Variants in GPATCH3 observed in about 807,000 individuals in gnomAD.
GPATCH3 encodes the protein G patch domain-containing protein 3.
In GPATCH3, 45 loss-of-function variants were observed where a neutral mutation model predicts 53.2. The ratio of observed to expected loss-of-function variants is 0.85; its 90% CI spans 0.67 to 1.08. The LOEUF (loss-of-function observed/expected upper bound fraction) is 1.08. Among genes scored for constraint, GPATCH3 ranks in the 50% least tolerant of loss-of-function variants. GPATCH3 has a pLI of 0.00. For synonymous variants in GPATCH3, 280 were observed against 270.6 expected, an observed-to-expected ratio of 1.03 and a Z score of -0.34; for missense variants, 680 against 687.2, an observed-to-expected ratio of 0.99 and a Z score of 0.12.
At chr1:26,891,463 A>G (rs183516300) in intron 6 of GPATCH3, among the ~76,000 whole-genome samples, 1 of 152,040 alleles carries the variant, frequency 6.6e-6, no homozygotes, top group South Asian at 2.1e-4. Flanking sequence ...ATCAAGTCCA[A>G]ACTCCTCCAA....
chr1:26,892,537 C>A lies in GPATCH3; in HGVS notation c.1235G>T (p.Gly412Val). The A allele has an allele frequency of 6.2e-7, 1 of 1,611,362 alleles. No individual in the cohort carries two copies. Among genetic ancestry groups the A allele is most frequent in the South Asian group, 1.1e-5 (1 of 91,042 alleles). ...CCGCTCCATCACCTTCCGCCCAATG[C>A]CCTGCAGAGTGAAGGGACAAGACTC... ...QVGTFERHTK[G>V]IGRKVMERQG... Residue 412 changes from glycine to valine, a missense_variant and splice_region_variant, in exon 6 of 7, where the codon GGC becomes GTC. By Grantham distance (109) the Gly-to-Val change is moderately radical (BLOSUM62 -3). Coordinates refer to ENST00000361720, the MANE Select transcript of GPATCH3 (RefSeq NM_022078.3).
Position 26,897,021 on chromosome 1 carries a change from C to CA in GPATCH3, c.876+279dup, listed in dbSNP as rs5773170. Among the ~76,000 whole-genome samples the CA allele has an allele frequency of 6.7e-3, 663 of 98,258 alleles. 5 individuals are homozygous for CA. Among genetic ancestry groups the CA allele is most frequent in the African/African-American group, 0.017 (478 of 27,434 alleles). The allele number at this position is 98,258 out of a possible 152,430, so 64.5% of individuals were successfully genotyped here. A position where few individuals can be genotyped will look rare whatever the true frequency, so the allele number is the denominator to read the frequency against. ...TGGACAACAGAGCAAGACTCCGTCT[C>CA]AAAAAAAAAAAAAAAGGAACCATCC... On this transcript the variant is annotated intron_variant, in intron 2 of 6. Coordinates refer to ENST00000361720, the MANE Select transcript of GPATCH3 (RefSeq NM_022078.3).
At chr1:26,893,285 A>G (rs1027622980) in intron 4 of GPATCH3, 104 bp downstream of exon 4, 4 of 912,580 alleles carry the variant, frequency 4.4e-6, no homozygotes, top group Non-Finnish European at 7.4e-6. Flanking sequence ...CCCCAAGGGA[A>G]CGGGAACGGT....
chr1:26,900,092 A>G lies in GPATCH3; in HGVS notation c.351T>C (p.Leu117=). Residue 117 remains leucine, a synonymous_variant, in exon 1 of 7, where the codon CTT becomes CTC. Transcript: ENST00000361720. ...SVRGLAQAQR[L]IRMYSGRRWL... ...ACCGGCGGCCCGAGTACATGCGAAT[A>G]AGCCTCTGAGCTTGAGCCAACCCCC... 1 of 1,614,154 alleles carries G rather than the reference A, an allele frequency of 6.2e-7. No individual in the cohort carries two copies. The highest frequency in any genetic ancestry group is 8.5e-7 in the Non-Finnish European group (1 of 1,180,032).
chr1:26,900,398 C>T lies in GPATCH3; in HGVS notation c.45G>A (p.Leu15=). The change falls in exon 1 of 7, where the codon CTG becomes CTA. Residue 15 remains leucine (L), a synonymous_variant. Coordinates refer to ENST00000361720, the MANE Select transcript of GPATCH3 (RefSeq NM_022078.3). ...ACACGGAGGGGATACCGCTCACTACCAGGTAAACTGTCGCCTCCTCCTCCG... is the reference window on the plus strand; with the variant it reads ...ACACGGAGGGGATACCGCTCACTACTAGGTAAACTGTCGCCTCCTCCTCCG... ...GEAEEEATVY[L]VVSGIPSVLR... 6.2e-7 allele frequency: 1 copy of T among 1,613,190 alleles called. No individual in the cohort carries two copies. Among genetic ancestry groups the T allele is most frequent in the Non-Finnish European group, 8.5e-7 (1 of 1,179,448 alleles).
Position 26,894,343 on chromosome 1 carries a change from C to T in GPATCH3, c.944G>A (p.Arg315Gln), listed in dbSNP as rs201761023. ...ALHEDVTGQERTTEQLFEEEI... is the reference protein window; with the variant it reads ...ALHEDVTGQEQTTEQLFEEEI... The stretch of plus-strand genomic sequence containing the variant: ...CTCCTCAAAGAGCTGCTCAGTGGTC[C>T]GCTCCTGCCCGGTCACGTCCTCATG... Residue 315 changes from arginine to glutamine, a missense_variant, in exon 3 of 7, where the codon CGG (arginine) becomes CAG (glutamine). By Grantham distance (43) the Arg-to-Gln change is conservative. Coordinates refer to ENST00000361720, the MANE Select transcript of GPATCH3 (RefSeq NM_022078.3). The T allele has an allele frequency of 1.9e-5, 30 of 1,613,978 alleles. No homozygotes were observed. In the Admixed American group the frequency reaches 3.0e-4, roughly 16 times the overall value.
chr1:26,891,084 T>C lies in GPATCH3; in HGVS notation c.1504A>G (p.Met502Val). The C allele has an allele frequency of 6.2e-7, 1 of 1,614,122 alleles. No individual in the cohort carries two copies. Among genetic ancestry groups the C allele is most frequent in the Non-Finnish European group, 8.5e-7 (1 of 1,180,020 alleles). Residue 502 changes from methionine to valine, a missense_variant, in exon 7 of 7, where the codon ATG (methionine) becomes GTG (valine). Coordinates refer to ENST00000361720, the MANE Select transcript of GPATCH3 (RefSeq NM_022078.3). ...SLLRRQPPTSMKFRTDMAFVR... is the reference protein window; with the variant it reads ...SLLRRQPPTSVKFRTDMAFVR... ...AAGGCCATGTCTGTCCGAAACTTCA[T>C]GCTGGTGGGTGGCTGGCGGCGGAGC...
rs907482159 is a variant in GPATCH3 at position 26,892,468 on chromosome 1, C to G, written c.1304G>C (p.Gly435Ala). 6.2e-7 allele frequency: 1 copy of G among 1,613,834 alleles called. No homozygotes were observed. The highest frequency in any genetic ancestry group is 8.5e-7 in the Non-Finnish European group (1 of 1,179,868). ...EGQGLGCRCSGVPEALDSDGQ... is the reference protein window; with the variant it reads ...EGQGLGCRCSAVPEALDSDGQ... ...ATCACTATCCAGGGCCTCAGGCACC[C>G]CTGAGCACCTGCAGCCCAGGCCCTG... The change falls in exon 6 of 7, where the codon GGG becomes GCG. Residue 435 changes from glycine (G) to alanine (A), a missense_variant. By Grantham distance (60) the Gly-to-Ala change is moderately conservative. Coordinates refer to ENST00000361720, the MANE Select transcript of GPATCH3 (RefSeq NM_022078.3).
rs1488798141 is a variant in GPATCH3 at position 26,897,381 on chromosome 1, C to A, written c.796G>T (p.Ala266Ser). Residue 266 changes from alanine (A) to serine (S), a missense_variant, in exon 2 of 7, where the codon GCA becomes TCA. By Grantham distance (99) the Ala-to-Ser change is moderately conservative. Transcript: ENST00000361720. ...GEEIPQGTYL[A>S]DIPASPCGEP... ...CCACAGGGGCTGGCTGGTATATCTG[C>A]CAGGTAGGTTCCTTGGGGTATTTCT... is the stretch of plus-strand genomic sequence containing the variant. 1 of 1,614,068 alleles carries A rather than the reference C, an allele frequency of 6.2e-7. No individual in the cohort carries two copies.
intron 4 of GPATCH3, 138 bp from the exon 5 acceptor site, chr1:26,892,929 C>T: frequency 9.6e-7 from 1 of 1,037,628 alleles, no homozygotes. Flanking sequence ...TGGGAGCTCC[C>T]CAAAAGTAGG....
chr1:26,893,515 T>A, intron 3 of GPATCH3, 67 bp from the exon 4 acceptor site: 16 of 900,568 alleles, frequency 1.8e-5, no homozygotes, highest in Non-Finnish European at 2.4e-5. Flanking sequence ...GAGTTAAACC[T>A]AGAGTTTTTT....
At chr1:26,897,128 A>C (rs1020770317) in intron 2 of GPATCH3, among the ~76,000 whole-genome samples, 173 bp downstream of exon 2, 10 of 152,232 alleles carry the variant, frequency 6.6e-5, no homozygotes, top group African/African-American at 2.4e-4. Flanking sequence ...CTCCCTACAG[A>C]AATACAGAAA....
intron 2 of GPATCH3, among the ~76,000 whole-genome samples, chr1:26,896,336 C>A (rs2081950360): frequency 6.7e-6 from 1 of 149,586 alleles, no homozygotes; most frequent in African/African-American, 2.5e-5. Context: ...TTTCTCAGCT[C>A]ACTGCAACCT....
intron 2 of GPATCH3, among the ~76,000 whole-genome samples, chr1:26,896,725 A>G (rs2081952514): frequency 7.0e-6 from 1 of 143,882 alleles, no homozygotes; most frequent in African/African-American, 2.6e-5. Context: ...AAAAATGAAT[A>G]AAGAGGAACC....
At chr1:26,899,138 T>A (rs2081963634) in intron 1 of GPATCH3, among the ~76,000 whole-genome samples, 1 of 152,176 alleles carries the variant, frequency 6.6e-6, no homozygotes, top group Non-Finnish European at 1.5e-5. Flanking sequence ...AGGAAGTTAG[T>A]TTCTCCCTTC....
rs768465425 is a variant in GPATCH3 at position 26,892,776 on chromosome 1, T to G, written c.1127A>C (p.Asp376Ala). 1.9e-6 allele frequency: 3 copies of G among 1,614,058 alleles called. No homozygotes were observed. Among genetic ancestry groups the G allele is most frequent in the Non-Finnish European group, 2.5e-6 (3 of 1,179,904 alleles). ...VYYDRDGGDK[D>A]ARDSVQMRLE... ...ACGCATTTGGACAGAGTCTCGGGCA[T>G]CCTTGTCTCCACCATCTGAGGAAAC... The change falls in exon 5 of 7, where the codon GAT (aspartate) becomes GCT (alanine). Residue 376 changes from aspartate (D) to alanine (A), a missense_variant. Coordinates refer to ENST00000361720, the MANE Select transcript of GPATCH3 (RefSeq NM_022078.3).
chr1:26,894,441 G>A, intron 2 of GPATCH3, 31 bp from the exon 3 acceptor site: 6 of 1,609,398 alleles, frequency 3.7e-6, no homozygotes, highest in Non-Finnish European at 5.1e-6. Context: ...ATTTGCCTGA[G>A]CTTCCTGACC....
At position 26,892,551 on chromosome 1, in the gene GPATCH3, G is replaced by C; in HGVS notation, c.1234-13C>G. 2 of 1,606,900 alleles carry C rather than the reference G, an allele frequency of 1.2e-6. No homozygotes were observed. Among genetic ancestry groups the C allele is most frequent in the Non-Finnish European group, 1.7e-6 (2 of 1,173,942 alleles). Reference sequence around the variant, plus strand: ...TCCGCCCAATGCCCTGCAGAGTGAAGGGACAAGACTCAAGAAATGGGGCTC... The same window carrying C: ...TCCGCCCAATGCCCTGCAGAGTGAACGGACAAGACTCAAGAAATGGGGCTC... On this transcript the variant is annotated splice_polypyrimidine_tract_variant and intron_variant, in intron 5 of 6. Coordinates refer to ENST00000361720, the MANE Select transcript of GPATCH3 (RefSeq NM_022078.3).
chr1:26,893,429 G>A lies in GPATCH3; in HGVS notation c.1071C>T (p.Ala357=), dbSNP rs563913086. 19 of 1,613,232 alleles carry A rather than the reference G, an allele frequency of 1.2e-5. No individual in the cohort carries two copies. The highest frequency in any genetic ancestry group is 4.5e-5 in the East Asian group (2 of 44,878). The change falls in exon 4 of 7, where the codon GCC becomes GCT. Residue 357 remains alanine (A), a synonymous_variant. Transcript: ENST00000361720. The stretch of plus-strand genomic sequence containing the variant: ...CACTCATGTCCACATCCCAGTCATC[G>A]GCTGTCTGTTCATCAAAATCTGTAG... The part of the protein sequence containing the change: ...EEEGDFDEQT[A]DDWDVDMSVY...
Sources: allele counts gnomAD v4.1 joint callset (sites outside exome capture counted in the v4.1 genomes callset), GRCh38; gene constraint gnomAD v4.1.1; transcripts MANE v1.5; gene names NCBI Gene and HGNC (gene_info 2026-07-23, HGNC 2026-07-21).